Variants in LGALSL observed in about 807,000 individuals in gnomAD.
The protein encoded by LGALSL is galectin-related protein.
A neutral mutation model predicts 19.5 loss-of-function variants in LGALSL; 13 were observed. That is an observed-to-expected ratio of 0.67 (90% CI 0.43 to 1.06). LGALSL has a LOEUF of 1.06. LGALSL is among the 50% of genes least tolerant of loss of function. LGALSL has a pLI of 0.00. For missense variants in LGALSL, 189 were observed against 219.3 expected (o/e 0.86, Z 0.87); for synonymous variants, 86 against 78.3 (o/e 1.10, Z -0.52).
At position 64,454,535 on chromosome 2, in the gene LGALSL, C is replaced by G; in HGVS notation, c.-11C>G. 2.1e-6 allele frequency: 3 copies of G among 1,429,572 alleles called. No homozygotes were observed. The highest frequency in any genetic ancestry group is 1.4e-5 in the South Asian group (1 of 71,244). 88.6% of individuals were successfully genotyped at this position (1,429,572 alleles called of 1,614,324 possible). The stretch of plus-strand genomic sequence containing the variant: ...CCGCGTCCCACGTACCCCGCCGCGC[C>G]GGGCAAGAAGATGGCGGGATCAGTG... On this transcript the variant is annotated 5_prime_UTR_variant, in exon 1 of 5. Transcript: ENST00000238875. This position sits in a 1 kb window ranked among gnomAD's most constrained non-coding sequence, Gnocchi z 5.1.
chr2:64,456,031 T>C (rs1278880556), intron 3 of LGALSL, among the ~76,000 whole-genome samples: 1 of 152,088 alleles, frequency 6.6e-6, no homozygotes, highest in Non-Finnish European at 1.5e-5. Context: ...GGTCAATTTC[T>C]GTGGCTGTTT....
At chr2:64,455,928 A>ATT (rs3083174) in intron 3 of LGALSL, among the ~76,000 whole-genome samples, 1 of 147,690 alleles carries the variant, frequency 6.8e-6, no homozygotes, top group Non-Finnish European at 1.5e-5. Context: ...AGGCCAGAGG[A>ATT]TTTTTTTTTT....
chr2:64,455,060 C>T (rs918048111), intron 1 of LGALSL, among the ~76,000 whole-genome samples: 12 of 152,154 alleles, frequency 7.9e-5, no homozygotes, highest in African/African-American at 2.9e-4. Flanking sequence ...GGAGAGGGGC[C>T]TGCCCTCCTC....
In LGALSL at chr2:64,454,184, C is replaced by G; in HGVS notation, c.-362C>G. 1 of 394,554 alleles carries G rather than the reference C, an allele frequency of 2.5e-6. No individual in the cohort carries two copies. Among genetic ancestry groups the G allele is most frequent in the Non-Finnish European group, 4.5e-6 (1 of 223,350 alleles). 24.4% of individuals were successfully genotyped at this position (394,554 alleles called of 1,614,324 possible). A position where few individuals can be genotyped will look rare whatever the true frequency, so the allele number is the denominator to read the frequency against. ...CCTGTTCCCGGTTCCCGAGCCGGGC[C>G]CCGGAGGCCTTTAAATGCTGCCCAG... On this transcript the variant is annotated 5_prime_UTR_variant, in exon 1 of 5. Transcript: ENST00000238875. The surrounding 1 kb of genome is among the most constrained non-coding windows in gnomAD (Gnocchi z 5.1).
intron 4 of LGALSL, 102 bp downstream of exon 4, chr2:64,456,567 T>G: frequency 1.1e-6 from 1 of 948,776 alleles, no homozygotes. Context: ...AATTTCTGCA[T>G]GTCCAGGAAA....
At chr2:64,457,875 T>A (rs1345578669) in intron 4 of LGALSL, among the ~76,000 whole-genome samples, 2 of 152,192 alleles carry the variant, frequency 1.3e-5, no homozygotes, top group Non-Finnish European at 2.9e-5. Flanking sequence ...AGCTTCTGAC[T>A]GCCAGGAGGA....
rs374997124 is a variant in LGALSL at position 64,458,443 on chromosome 2, A to G, written c.*15A>G. On this transcript the variant is annotated 3_prime_UTR_variant, in exon 5 of 5. Coordinates refer to ENST00000238875, the MANE Select transcript of LGALSL (RefSeq NM_014181.3). ...AGCTTGGCTGATTTAAACCACCTCT[A>G]TTTCAAATAGGATCACGTGCCACAA... is the stretch of plus-strand genomic sequence containing the variant. The G allele has an allele frequency of 1.6e-5, 26 of 1,608,518 alleles. No homozygotes were observed. In the African/African-American group the frequency reaches 2.9e-4, roughly 18 times the overall value.
At position 64,460,479 on chromosome 2, in the gene LGALSL, T is replaced by C. The variant is rs1686807865; in HGVS notation, c.*2051T>C. ...TGAGTGGCCAACCATTCCCACCCAC[T>C]GCATAATTCAGCAGAAACTAGAGGA... On this transcript the variant is annotated 3_prime_UTR_variant, in exon 5 of 5. Transcript: ENST00000238875. The C allele has an allele frequency of 6.6e-6, 1 of 152,234 alleles. No homozygotes were observed. The highest frequency in any genetic ancestry group is 2.4e-5 in the African/African-American group (1 of 41,462). The allele number at this position is 152,234 out of a possible 1,614,324, so 9.4% of individuals were successfully genotyped here. A position where few individuals can be genotyped will look rare whatever the true frequency, so the allele number is the denominator to read the frequency against.
In LGALSL at chr2:64,454,637, G is replaced by A. The variant is rs1477284574; in HGVS notation, c.36+56G>A. 1.4e-5 allele frequency: 17 copies of A among 1,237,614 alleles called. No homozygotes were observed. The highest frequency in any genetic ancestry group is 1.5e-5 in the Non-Finnish European group (15 of 968,086). The allele number at this position is 1,237,614 out of a possible 1,614,324, so 76.7% of individuals were successfully genotyped here. On this transcript the variant is annotated intron_variant, in intron 1 of 4. Transcript: ENST00000238875. This position sits in a 1 kb window ranked among gnomAD's most constrained non-coding sequence, Gnocchi z 5.1. ...CCTCCCCGCCGTCCCGCACTCCGCC[G>A]CCGCCTGCTCCAGCAGTGCTGGGGT...
chr2:64,455,075 G>A (rs1375829471), intron 1 of LGALSL, among the ~76,000 whole-genome samples: 1 of 152,234 alleles, frequency 6.6e-6, no homozygotes, highest in East Asian at 1.9e-4. Context: ...CTCCTCCGGC[G>A]TGGGGCTCTG....
In LGALSL at chr2:64,456,258, C is replaced by T. The variant is rs6712006; in HGVS notation, c.198-30C>T. On this transcript the variant is annotated intron_variant, in intron 3 of 4. Transcript: ENST00000238875. The stretch of plus-strand genomic sequence containing the variant: ...ATTTTGAAATGTTTTTATATCCAAC[C>T]CTTAATCAGTGGGATGATTTTCTTT... 1,162 of 1,594,696 alleles carry T rather than the reference C, an allele frequency of 7.3e-4. 10 individuals carry two copies. In the African/African-American group the frequency reaches 0.014, roughly 19 times the overall value.
intron 4 of LGALSL, among the ~76,000 whole-genome samples, 196 bp from the exon 5 acceptor site, chr2:64,458,089 C>T (rs1686763480): frequency 6.6e-6 from 1 of 152,160 alleles, no homozygotes; most frequent in Non-Finnish European, 1.5e-5. Flanking sequence ...TTTACACTTA[C>T]ATTCTACACA....
At position 64,458,717 on chromosome 2, in the gene LGALSL, G is replaced by A; in HGVS notation, c.*289G>A. 1 of 279,534 alleles carries A rather than the reference G, an allele frequency of 3.6e-6. No homozygotes were observed. Among genetic ancestry groups the A allele is most frequent in the Non-Finnish European group, 6.7e-6 (1 of 150,070 alleles). The allele number at this position is 279,534 out of a possible 1,614,324, so 17.3% of individuals were successfully genotyped here. ...CAAATTATTCATCTTTTCAAAGCAAGGCAATGCTTAGAAACAGAAGTGCTA... is the reference window on the plus strand; with the variant it reads ...CAAATTATTCATCTTTTCAAAGCAAAGCAATGCTTAGAAACAGAAGTGCTA... On this transcript the variant is annotated 3_prime_UTR_variant, in exon 5 of 5. Transcript: ENST00000238875.
At chr2:64,456,491 C>T in intron 4 of LGALSL, 26 bp downstream of exon 4, 3 of 1,502,904 alleles carry the variant, frequency 2.0e-6, no homozygotes, top group Non-Finnish European at 1.8e-6. Flanking sequence ...GCCTCGGCTC[C>T]AGCCACTGGC....
At chr2:64,455,898 T>C (rs1686727183) in intron 3 of LGALSL, among the ~76,000 whole-genome samples, 1 of 151,160 alleles carries the variant, frequency 6.6e-6, no homozygotes, top group African/African-American at 2.4e-5. Context: ...AGGCCCACAT[T>C]TTCTCTTTGA....
intron 1 of LGALSL, among the ~76,000 whole-genome samples, chr2:64,455,025 C>T (rs1686710232): frequency 2.0e-5 from 3 of 152,146 alleles, no homozygotes; most frequent in Admixed American, 1.3e-4. Flanking sequence ...CCTGGCCCAC[C>T]GCGCTTCCAG....
intron 2 of LGALSL, 68 bp from the exon 3 acceptor site, chr2:64,455,521 A>G (rs1049973031): frequency 4.7e-6 from 7 of 1,502,756 alleles, no homozygotes; most frequent in African/African-American, 1.4e-5. Flanking sequence ...TCAGGCCTTC[A>G]GGGTCTGAGG....
At position 64,454,681 on chromosome 2, in the gene LGALSL, C is replaced by T. The variant is rs1236765619; in HGVS notation, c.36+100C>T. The stretch of plus-strand genomic sequence containing the variant: ...CTGGGGTGCTGAGCAGCCGCAGGCC[C>T]GGCCGGCGCCCGGCGCGTGGGAAGG... On this transcript the variant is annotated intron_variant, in intron 1 of 4. Coordinates refer to ENST00000238875, the MANE Select transcript of LGALSL (RefSeq NM_014181.3). The surrounding 1 kb of genome is among the most constrained non-coding windows in gnomAD (Gnocchi z 5.1). The T allele has an allele frequency of 7.8e-6, 7 of 902,896 alleles. No individual in the cohort carries two copies. The highest frequency in any genetic ancestry group is 1.0e-5 in the Non-Finnish European group (7 of 696,672). 55.9% of individuals were successfully genotyped at this position (902,896 alleles called of 1,614,324 possible).
Position 64,454,180 on chromosome 2 carries a change from G to C in LGALSL, c.-366G>C, listed in dbSNP as rs887298336. 2 of 390,000 alleles carry C rather than the reference G, an allele frequency of 5.1e-6. No individual in the cohort carries two copies. The highest frequency in any genetic ancestry group is 7.3e-5 in the East Asian group (2 of 27,556). The allele number at this position is 390,000 out of a possible 1,614,324, so 24.2% of individuals were successfully genotyped here. ...CCGCCCTGTTCCCGGTTCCCGAGCC[G>C]GGCCCCGGAGGCCTTTAAATGCTGC... On this transcript the variant is annotated 5_prime_UTR_variant, in exon 1 of 5. Transcript: ENST00000238875. This position sits in a 1 kb window ranked among gnomAD's most constrained non-coding sequence, Gnocchi z 5.1.
Sources: gnomAD v4.1 joint callset for allele counts (sites outside exome capture counted in the v4.1 genomes callset) on GRCh38, gnomAD v4.1.1 for gene constraint, Gnocchi (gnomAD v3.1) non-coding constraint, MANE v1.5 for transcripts, NCBI Gene and HGNC (gene_info 2026-07-23, HGNC 2026-07-21) for gene names.